SH3PXD2A: variants seen among roughly 807,000 people sequenced by gnomAD.
The protein encoded by SH3PXD2A is SH3 and PX domains 2A.
In SH3PXD2A, 32 loss-of-function variants were observed where a neutral mutation model predicts 115.2. That is an observed-to-expected ratio of 0.28 (90% CI 0.21 to 0.37). The LOEUF (loss-of-function observed/expected upper bound fraction) is 0.37, where lower values mean the gene tolerates loss of function less well. Ranked by LOEUF, SH3PXD2A falls within the 10% of genes least tolerant of loss-of-function variation. The pLI is 1.00. For synonymous variants in SH3PXD2A, 610 were observed against 629.1 expected, an observed-to-expected ratio of 0.97 and a Z score of 0.45; for missense variants, 1,328 against 1,498.7, an observed-to-expected ratio of 0.89 and a Z score of 1.88.
intron 6 of SH3PXD2A, among the ~76,000 whole-genome samples, chr10:103,685,542 C>G (rs2037667032): frequency 6.6e-6 from 1 of 152,102 alleles, no homozygotes. Context: ...AGGGCAAAAG[C>G]TGAAACCAGC....
chr10:103,671,655 AG>A (rs947722894), intron 6 of SH3PXD2A, among the ~76,000 whole-genome samples: 10 of 152,054 alleles, frequency 6.6e-5, no homozygotes, highest in African/African-American at 2.2e-4. Flanking sequence ...AACAGAGGAG[AG>A]CCCCTGGCTC....
intron 6 of SH3PXD2A, among the ~76,000 whole-genome samples, chr10:103,679,232 C>T (rs571318129): frequency 1.1e-3 from 175 of 152,338 alleles, no homozygotes; most frequent in Non-Finnish European, 2.1e-3. Context: ...CCCCATCTGG[C>T]CAGGAGTCCT....
intron 3 of SH3PXD2A, among the ~76,000 whole-genome samples, chr10:103,736,109 G>A (rs900265942): frequency 7.9e-5 from 12 of 152,196 alleles, no homozygotes; most frequent in African/African-American, 1.2e-4. Context: ...ATGAATGCCC[G>A]GAGTGGGTGC....
intron 3 of SH3PXD2A, among the ~76,000 whole-genome samples, chr10:103,740,650 C>T (rs751305680): frequency 6.6e-6 from 1 of 152,216 alleles, no homozygotes; most frequent in Non-Finnish European, 1.5e-5. Context: ...GGGCTGGCCT[C>T]GGGACCTCTT....
At position 103,767,174 on chromosome 10, in the gene SH3PXD2A, G is replaced by A; in HGVS notation, c.154-5C>T. The A allele has an allele frequency of 6.2e-7, 1 of 1,612,060 alleles. No individual in the cohort carries two copies. Among genetic ancestry groups the A allele is most frequent in the Non-Finnish European group, 8.5e-7 (1 of 1,178,252 alleles). On this transcript the variant is annotated splice_region_variant and splice_polypyrimidine_tract_variant and intron_variant, in intron 2 of 14. Transcript: ENST00000369774. ...AAACTTATCCAAAAGCTGCATCTGA[G>A]AAGCCAGACAGACAGAGGGACAGGA...
intron 3 of SH3PXD2A, among the ~76,000 whole-genome samples, chr10:103,757,476 G>A (rs796210679): frequency 2.0e-5 from 3 of 152,286 alleles, no homozygotes; most frequent in African/African-American, 7.2e-5. Context: ...CATCCAGGAC[G>A]GAGGGTTGGG....
chr10:103,649,297 G>A (rs1220744047), intron 8 of SH3PXD2A, among the ~76,000 whole-genome samples: 1 of 152,222 alleles, frequency 6.6e-6, no homozygotes, highest in African/African-American at 2.4e-5. Context: ...TGCTGTGGAT[G>A]AGCAAAGCCG....
At chr10:103,683,990 G>T (rs895163498) in intron 6 of SH3PXD2A, among the ~76,000 whole-genome samples, 2 of 152,212 alleles carry the variant, frequency 1.3e-5, no homozygotes, top group South Asian at 2.1e-4. Flanking sequence ...CAAAGCCTGC[G>T]CTCTGGAGGG....
intron 1 of SH3PXD2A, among the ~76,000 whole-genome samples, chr10:103,821,280 T>C (rs997479426): frequency 6.6e-6 from 1 of 151,138 alleles, no homozygotes; most frequent in Non-Finnish European, 1.5e-5. Flanking sequence ...GTAGCTAATT[T>C]TACATACCCA....
At chr10:103,769,132 CTCTGTGTGTGTGTGTGTG>C (rs2038788856) in intron 2 of SH3PXD2A, among the ~76,000 whole-genome samples, 1 of 120,452 alleles carries the variant, frequency 8.3e-6, no homozygotes, top group Admixed American at 9.1e-5. Context: ...CTAGGCTAGA[CTCTGTGTGTGTGTGTGTG>C]TGTGTGTGTG....
In SH3PXD2A at chr10:103,617,353, G is replaced by A. The variant is rs372735191; in HGVS notation, c.803-39C>T. 1.6e-4 allele frequency: 232 copies of A among 1,434,264 alleles called. 1 individual carries two copies. The South Asian group carries it at 2.4e-3, about 15-fold the overall frequency. 88.8% of individuals were successfully genotyped at this position (1,434,264 alleles called of 1,614,324 possible). A position where few individuals can be genotyped will look rare whatever the true frequency, so the allele number is the denominator to read the frequency against. On this transcript the variant is annotated intron_variant, in intron 10 of 14. Coordinates refer to ENST00000369774, the MANE Select transcript of SH3PXD2A (RefSeq NM_001394015.1). The stretch of plus-strand genomic sequence containing the variant: ...CAAGCAAGCAAGATTATTTGAGGTC[G>A]GGGTGCAGGTCCTGCTTCCTGTCCC...
At chr10:103,613,413 G>C (rs2036461039) in intron 11 of SH3PXD2A, among the ~76,000 whole-genome samples, 1 of 152,184 alleles carries the variant, frequency 6.6e-6, no homozygotes, top group Non-Finnish European at 1.5e-5. Context: ...CTTTTTCTTT[G>C]CCTGATCCCT....
intron 6 of SH3PXD2A, among the ~76,000 whole-genome samples, chr10:103,676,489 G>A (rs540154150): frequency 1.3e-5 from 2 of 152,296 alleles, no homozygotes; most frequent in East Asian, 1.9e-4. Flanking sequence ...GGGTGTGGAC[G>A]GAGAAGCCAA....
At chr10:103,619,340 A>G (rs2036568833) in intron 10 of SH3PXD2A, among the ~76,000 whole-genome samples, 1 of 152,082 alleles carries the variant, frequency 6.6e-6, no homozygotes, top group African/African-American at 2.4e-5. Flanking sequence ...CGGCGGCCAG[A>G]GGGGCAGCGC....
At chr10:103,699,881 G>A (rs1305056193) in intron 5 of SH3PXD2A, among the ~76,000 whole-genome samples, 1 of 152,226 alleles carries the variant, frequency 6.6e-6, no homozygotes, top group Non-Finnish European at 1.5e-5. Flanking sequence ...CAGAGGGGCC[G>A]GAATTCCTGC....
intron 1 of SH3PXD2A, among the ~76,000 whole-genome samples, chr10:103,804,422 C>T (rs541742395): frequency 7.4e-5 from 11 of 148,690 alleles, no homozygotes; most frequent in South Asian, 2.1e-4. Context: ...CCCGGGTTCA[C>T]GCCATTCTCC....
intron 6 of SH3PXD2A, among the ~76,000 whole-genome samples, chr10:103,690,658 C>G (rs2037739136): frequency 1.3e-5 from 2 of 152,204 alleles, no homozygotes; most frequent in Non-Finnish European, 2.9e-5. Context: ...ATGAATCTCA[C>G]CTAGAAAACA....
At chr10:103,847,527 A>AC (rs1564903529) in intron 1 of SH3PXD2A, among the ~76,000 whole-genome samples, 1 of 151,962 alleles carries the variant, frequency 6.6e-6, no homozygotes. Context: ...GTCTTGCTAC[A>AC]TTGTCCAGGC....
At chr10:103,773,905 C>CT (rs2038854758) in intron 2 of SH3PXD2A, among the ~76,000 whole-genome samples, 1 of 152,070 alleles carries the variant, frequency 6.6e-6, no homozygotes, top group Non-Finnish European at 1.5e-5. Flanking sequence ...AGTTAATTGT[C>CT]TTTTTTTCTT....
Sources: allele counts gnomAD v4.1 joint callset (sites outside exome capture counted in the v4.1 genomes callset), GRCh38; gene constraint gnomAD v4.1.1; transcripts MANE v1.5; gene names NCBI Gene and HGNC (gene_info 2026-07-23, HGNC 2026-07-21).